The following EXOC4 variants were observed in gnomAD, a reference collection of about 807,000 sequenced individuals.
The protein encoded by EXOC4 is exocyst complex component 4, also known as SEC8-like 1.
A neutral mutation model predicts 107.2 loss-of-function variants in EXOC4; 71 were observed. The ratio of observed to expected loss-of-function variants is 0.66; its 90% confidence interval spans 0.55 to 0.81. The LOEUF is 0.81. EXOC4 is among the 30% of genes least tolerant of loss of function. EXOC4 has a pLI of 0.00. For missense variants in EXOC4, 1,108 were observed against 1,189.6 expected (o/e 0.93, Z 1.01); for synonymous variants, 456 against 441.2 (o/e 1.03, Z -0.42).
chr7:134,048,466 G>C (rs1795706623), intron 17 of EXOC4, among the ~76,000 whole-genome samples: 1 of 152,164 alleles, frequency 6.6e-6, no homozygotes, highest in Non-Finnish European at 1.5e-5. Context: ...GAGGCAAGAT[G>C]GAGTCTGTTA....
chr7:133,422,490 A>G (rs140119993), intron 7 of EXOC4, among the ~76,000 whole-genome samples: 4 of 152,362 alleles, frequency 2.6e-5, no homozygotes, highest in Admixed American at 6.5e-5. Flanking sequence ...GGTGCCTAAC[A>G]TAAGAGTTCT....
chr7:133,593,649 T>C (rs1427069337), intron 9 of EXOC4, among the ~76,000 whole-genome samples: 3 of 152,188 alleles, frequency 2.0e-5, no homozygotes, highest in East Asian at 3.9e-4. Context: ...CCTTTTCAGT[T>C]CCATTTCCCA....
intron 7 of EXOC4, among the ~76,000 whole-genome samples, chr7:133,410,077 C>T (rs1179022420): frequency 6.6e-6 from 1 of 152,124 alleles, no homozygotes; most frequent in African/African-American, 2.4e-5. Context: ...ACCCAGGCCT[C>T]CCTGCTTATC....
chr7:133,564,976 G>A (rs959950573), intron 9 of EXOC4, among the ~76,000 whole-genome samples: 3 of 152,182 alleles, frequency 2.0e-5, no homozygotes, highest in Non-Finnish European at 4.4e-5. Context: ...CAACCTCGGG[G>A]TCTAACATGT....
At chr7:133,895,821 T>A (rs1799294709) in intron 12 of EXOC4, 86 bp downstream of exon 12, 3 of 1,403,274 alleles carry the variant, frequency 2.1e-6, no homozygotes, top group Non-Finnish European at 2.9e-6. Flanking sequence ...TAGCCTAATT[T>A]CCAAAAGGAT....
At position 133,919,836 on chromosome 7, in the gene EXOC4, T is replaced by C. The variant is rs906060315; in HGVS notation, c.2027+2098T>C. On this transcript the variant is annotated intron_variant, in intron 13 of 17. Transcript: ENST00000253861. Reference sequence around the variant, plus strand: ...AAGTTTTGGCAGTTATGAACAAAGGTGCTGTAAATAATTTGTGTGCTGGTT... The same window carrying C: ...AAGTTTTGGCAGTTATGAACAAAGGCGCTGTAAATAATTTGTGTGCTGGTT... Among the ~76,000 whole-genome samples, 5 of 152,300 alleles carry C rather than the reference T, an allele frequency of 3.3e-5. 1 individual carries two copies. Among genetic ancestry groups the C allele is most frequent in the Middle Eastern group, 6.8e-3 (2 of 294 alleles).
At chr7:133,438,906 C>A (rs1277191438) in intron 7 of EXOC4, among the ~76,000 whole-genome samples, 4 of 152,152 alleles carry the variant, frequency 2.6e-5, no homozygotes. Context: ...GACAGTAGGT[C>A]AGTTCATTAG....
At chr7:133,599,184 G>T (rs1801749953) in intron 9 of EXOC4, among the ~76,000 whole-genome samples, 1 of 152,058 alleles carries the variant, frequency 6.6e-6, no homozygotes, top group African/African-American at 2.4e-5. Context: ...GTGGCTACTG[G>T]AAAATAAAGA....
At chr7:133,300,162 C>T (rs1315428261) in intron 3 of EXOC4, among the ~76,000 whole-genome samples, 1 of 152,088 alleles carries the variant, frequency 6.6e-6, no homozygotes, top group Non-Finnish European at 1.5e-5. Flanking sequence ...TAAGAATGGG[C>T]ATTTTTGATT....
intron 7 of EXOC4, among the ~76,000 whole-genome samples, chr7:133,465,143 A>G (rs1044044975): frequency 6.6e-6 from 1 of 152,112 alleles, no homozygotes. Flanking sequence ...ATGGTGTAAG[A>G]TAATTCTAGA....
At chr7:133,259,960 T>G (rs957173606) in intron 1 of EXOC4, among the ~76,000 whole-genome samples, 15 of 152,318 alleles carry the variant, frequency 9.8e-5, no homozygotes, top group African/African-American at 2.4e-4. Flanking sequence ...TACAGAACAC[T>G]TCCAGCATCC....
At chr7:133,915,198 G>C (rs1247783631) in intron 12 of EXOC4, among the ~76,000 whole-genome samples, 1 of 152,072 alleles carries the variant, frequency 6.6e-6, no homozygotes, top group Non-Finnish European at 1.5e-5. Flanking sequence ...TTGAAGGAGA[G>C]GGAGCAGCTT....
chr7:133,334,132 A>C (rs1027045723), intron 5 of EXOC4, among the ~76,000 whole-genome samples: 1 of 152,082 alleles, frequency 6.6e-6, no homozygotes, highest in Non-Finnish European at 1.5e-5. Context: ...GTTGATTTTA[A>C]TTATTTATTG....
At chr7:133,744,845 A>G (rs1380701632) in intron 10 of EXOC4, among the ~76,000 whole-genome samples, 1 of 152,162 alleles carries the variant, frequency 6.6e-6, no homozygotes, top group Non-Finnish European at 1.5e-5. Flanking sequence ...TGAATTGCAC[A>G]TGCAGCCAAA....
chr7:134,069,448 C>T (rs1318886985), downstream of EXOC4, among the ~76,000 whole-genome samples: 7 of 149,990 alleles, frequency 4.7e-5, no homozygotes, highest in Non-Finnish European at 8.9e-5. Flanking sequence ...TTCTCCTGCT[C>T]CTCCTCCTTC....
At chr7:133,640,583 G>A (rs959267311) in intron 10 of EXOC4, among the ~76,000 whole-genome samples, 5 of 152,088 alleles carry the variant, frequency 3.3e-5, no homozygotes, top group South Asian at 2.1e-4. Context: ...GAGATCTTGC[G>A]GTGGAGCAGT....
intron 9 of EXOC4, among the ~76,000 whole-genome samples, chr7:133,616,527 AT>A (rs1266501797): frequency 6.6e-6 from 1 of 152,164 alleles, no homozygotes; most frequent in Non-Finnish European, 1.5e-5. Flanking sequence ...GAGGTAAATA[AT>A]TGAGAAAATT....
intron 17 of EXOC4, among the ~76,000 whole-genome samples, chr7:134,041,829 T>C (rs921145113): frequency 6.6e-6 from 1 of 152,192 alleles, no homozygotes; most frequent in Non-Finnish European, 1.5e-5. Context: ...TTAAAGGGCT[T>C]ATTCCATTCT....
chr7:133,258,570 C>T (rs1795070156), intron 1 of EXOC4, among the ~76,000 whole-genome samples: 1 of 152,160 alleles, frequency 6.6e-6, no homozygotes, highest in Non-Finnish European at 1.5e-5. Context: ...GTGCCTAGCA[C>T]AGTTTGGCAC....
Sources: gnomAD v4.1 joint callset for allele counts (sites outside exome capture counted in the v4.1 genomes callset) on GRCh38, gnomAD v4.1.1 for gene constraint, MANE v1.5 for transcripts, NCBI Gene and HGNC (gene_info 2026-07-23, HGNC 2026-07-21) for gene names.